Variants in CHRM3 observed in about 807,000 individuals in gnomAD.
The protein encoded by CHRM3 is muscarinic acetylcholine receptor M3.
A neutral mutation model predicts 41.8 loss-of-function variants in CHRM3; 11 were observed. The observed-to-expected ratio is 0.26, with a 90% CI of 0.17 to 0.44. CHRM3 has a LOEUF of 0.44. Ranked by LOEUF, CHRM3 falls within the 20% of genes least tolerant of loss-of-function variation. The probability of loss-of-function intolerance (pLI) is 1.00; values close to 1 mark genes in which losing one functional copy is unlikely to be tolerated. For missense variants in CHRM3, 571 were observed against 745.4 expected (o/e 0.77, Z 2.72); for synonymous variants, 297 against 301.4 (o/e 0.99, Z 0.15).
chr1:239,850,370 G>C (rs1159990036), intron 6 of CHRM3, among the ~76,000 whole-genome samples: 5 of 152,156 alleles, frequency 3.3e-5, no homozygotes, highest in Non-Finnish European at 7.4e-5. Context: ...TGATCCTGCT[G>C]TCTCAGGGAT....
At chr1:239,553,800 C>T (rs1660090591) in intron 3 of CHRM3, among the ~76,000 whole-genome samples, 4 of 152,150 alleles carry the variant, frequency 2.6e-5, no homozygotes, top group African/African-American at 9.7e-5. Flanking sequence ...CTTTAGATAT[C>T]CCCTCAACTA....
At chr1:239,674,924 G>A (rs889624801) in intron 4 of CHRM3, among the ~76,000 whole-genome samples, 2 of 151,986 alleles carry the variant, frequency 1.3e-5, no homozygotes, top group Non-Finnish European at 2.9e-5. Flanking sequence ...TGGCCATACA[G>A]GAAATTATTA....
chr1:239,899,016 CT>C (rs1219478611), intron 6 of CHRM3, among the ~76,000 whole-genome samples: 1 of 152,124 alleles, frequency 6.6e-6, no homozygotes, highest in Admixed American at 6.5e-5. Context: ...TCACCCTCTT[CT>C]TTTAAATATT....
At chr1:239,559,883 T>C (rs1660702347) in intron 3 of CHRM3, among the ~76,000 whole-genome samples, 1 of 152,192 alleles carries the variant, frequency 6.6e-6, no homozygotes, top group African/African-American at 2.4e-5. Flanking sequence ...GTTATCAAAA[T>C]TAACCTTTAA....
At chr1:239,590,145 T>A (rs746586102) in intron 3 of CHRM3, among the ~76,000 whole-genome samples, 12 of 152,162 alleles carry the variant, frequency 7.9e-5, no homozygotes, top group Non-Finnish European at 1.8e-4. Context: ...CTTCTCATCA[T>A]CCCTCAGGAG....
At chr1:239,802,977 C>CT (rs1348007935) in intron 5 of CHRM3, among the ~76,000 whole-genome samples, 1 of 152,218 alleles carries the variant, frequency 6.6e-6, no homozygotes. Context: ...AATCTCTCTT[C>CT]TAGTAAAGCC....
At chr1:239,419,904 C>T (rs1661808907) in intron 1 of CHRM3, among the ~76,000 whole-genome samples, 1 of 152,148 alleles carries the variant, frequency 6.6e-6, no homozygotes, top group Non-Finnish European at 1.5e-5. Context: ...CTCTCATTGT[C>T]CCTTTATGTT....
intron 1 of CHRM3, among the ~76,000 whole-genome samples, chr1:239,420,840 C>A (rs1012452687): frequency 6.6e-6 from 1 of 151,948 alleles, no homozygotes; most frequent in Admixed American, 6.6e-5. Context: ...TATAAATATA[C>A]CATAATATTA....
intron 5 of CHRM3, among the ~76,000 whole-genome samples, chr1:239,810,154 T>G (rs1671006286): frequency 6.6e-6 from 1 of 152,158 alleles, no homozygotes; most frequent in Non-Finnish European, 1.5e-5. Context: ...TGCCAGCATA[T>G]AATGACTCTT....
intron 1 of CHRM3, among the ~76,000 whole-genome samples, chr1:239,392,970 T>C (rs1659170140): frequency 6.6e-6 from 1 of 152,208 alleles, no homozygotes; most frequent in Non-Finnish European, 1.5e-5. Flanking sequence ...CATTGAAACC[T>C]AATCCAGTGG....
At chr1:239,862,628 A>C (rs191621410) in intron 6 of CHRM3, among the ~76,000 whole-genome samples, 1 of 152,346 alleles carries the variant, frequency 6.6e-6, no homozygotes, top group East Asian at 1.9e-4. Flanking sequence ...CTGTTTTGAT[A>C]GTTATTGATT....
At chr1:239,448,010 G>T (rs922876796) in intron 1 of CHRM3, among the ~76,000 whole-genome samples, 4 of 152,254 alleles carry the variant, frequency 2.6e-5, no homozygotes, top group East Asian at 1.9e-4. Flanking sequence ...TGCACTTCAG[G>T]TCAGACAGAC....
At chr1:239,686,214 C>T (rs1659133178) in intron 5 of CHRM3, among the ~76,000 whole-genome samples, 1 of 152,158 alleles carries the variant, frequency 6.6e-6, no homozygotes, top group African/African-American at 2.4e-5. Flanking sequence ...ACCTTAAAAA[C>T]TCTTGATTCC....
chr1:239,441,261 G>C (rs1663692647), intron 1 of CHRM3, among the ~76,000 whole-genome samples: 1 of 152,118 alleles, frequency 6.6e-6, no homozygotes, highest in Admixed American at 6.6e-5. Flanking sequence ...CCAAAAGTGA[G>C]ACAAAAGAAA....
chr1:239,436,193 G>A (rs1663253222), intron 1 of CHRM3, among the ~76,000 whole-genome samples: 1 of 152,148 alleles, frequency 6.6e-6, no homozygotes, highest in Non-Finnish European at 1.5e-5. Context: ...AGTAAGGTTG[G>A]TTATGGAGGC....
chr1:239,848,698 T>C (rs1227800606), intron 6 of CHRM3, among the ~76,000 whole-genome samples: 1 of 152,144 alleles, frequency 6.6e-6, no homozygotes, highest in Admixed American at 6.6e-5. Flanking sequence ...AAGAGACTGT[T>C]CATTTATTCA....
intron 3 of CHRM3, among the ~76,000 whole-genome samples, chr1:239,557,948 T>A (rs1159647923): frequency 6.6e-6 from 1 of 152,208 alleles, no homozygotes; most frequent in Non-Finnish European, 1.5e-5. Flanking sequence ...AGAACCTACA[T>A]GTGCATGTAT....
chr1:239,660,049 A>G lies in CHRM3; in HGVS notation c.-249-18137A>G, dbSNP rs184147975. On this transcript the variant is annotated intron_variant, in intron 4 of 6. Coordinates refer to ENST00000676153, the MANE Select transcript of CHRM3 (RefSeq NM_001375978.1). ...CGTTATAGCTCACTGCAGCGTCCAAATCCTGGGCTCAAATGATCCTCCTGC... is the reference window on the plus strand; with the variant it reads ...CGTTATAGCTCACTGCAGCGTCCAAGTCCTGGGCTCAAATGATCCTCCTGC... Among the ~76,000 whole-genome samples the G allele has an allele frequency of 2.9e-4, 44 of 152,254 alleles. 1 individual carries two copies. The highest frequency in any genetic ancestry group is 8.2e-4 in the African/African-American group (34 of 41,572).
At chr1:239,474,538 G>A (rs188575826) in intron 1 of CHRM3, among the ~76,000 whole-genome samples, 2 of 152,232 alleles carry the variant, frequency 1.3e-5, no homozygotes, top group African/African-American at 4.8e-5. Flanking sequence ...CCACCAGCAT[G>A]TGGAATAGTG....
Sources: gnomAD v4.1 joint callset for allele counts (sites outside exome capture counted in the v4.1 genomes callset) on GRCh38, gnomAD v4.1.1 for gene constraint, MANE v1.5 for transcripts, NCBI Gene and HGNC (gene_info 2026-07-23, HGNC 2026-07-21) for gene names.